The following TTLL1 variants were observed in gnomAD, a reference collection of about 807,000 sequenced individuals.
TTLL1 encodes the protein polyglutamylase complex subunit TTLL1.
A neutral mutation model predicts 47.8 loss-of-function variants in TTLL1; 33 were observed. The observed-to-expected ratio is 0.69, with a 90% CI of 0.52 to 0.92. The LOEUF (loss-of-function observed/expected upper bound fraction) is 0.92, where lower values mean the gene tolerates loss of function less well. Ranked by LOEUF, TTLL1 falls within the 40% of genes least tolerant of loss-of-function variation. The pLI, the probability that TTLL1 is intolerant of heterozygous loss-of-function variation, is 0.00. For synonymous variants in TTLL1, 225 were observed against 214.1 expected (o/e 1.05, Z -0.45); for missense variants, 488 against 547.5 (o/e 0.89, Z 1.08).
chr22:43,043,028 C>G (rs1041534930), intron 10 of TTLL1, among the ~76,000 whole-genome samples: 2 of 151,654 alleles, frequency 1.3e-5, no homozygotes, highest in African/African-American at 4.9e-5. Flanking sequence ...CAACCTCCGC[C>G]TCCTGGGTTC....
At chr22:43,054,037 C>T (rs1601666774) in intron 8 of TTLL1, among the ~76,000 whole-genome samples, 1 of 152,242 alleles carries the variant, frequency 6.6e-6, no homozygotes, top group South Asian at 2.1e-4. Context: ...ACTGTTCACA[C>T]ATACGCCGTG....
chr22:43,074,843 C>G (rs1371322683), intron 3 of TTLL1, among the ~76,000 whole-genome samples: 1 of 152,038 alleles, frequency 6.6e-6, no homozygotes, highest in East Asian at 1.9e-4. Flanking sequence ...AATTCAAGAC[C>G]AGCCTAGGCA....
chr22:43,063,806 C>G lies in TTLL1; in HGVS notation c.747+7G>C. 1 of 1,612,724 alleles carries G rather than the reference C, an allele frequency of 6.2e-7. No individual in the cohort carries two copies. The highest frequency in any genetic ancestry group is 8.5e-7 in the Non-Finnish European group (1 of 1,178,776). On this transcript the variant is annotated splice_region_variant and intron_variant, in intron 7 of 10. Transcript: ENST00000266254. The stretch of plus-strand genomic sequence containing the variant: ...TTCTGTAAGCACAAATGAAAGGACA[C>G]ACTCACCCCGTGTTTCTGGATGGCG...
intron 8 of TTLL1, 200 bp from the exon 9 acceptor site, chr22:43,052,087 T>A (rs180812381): frequency 5.1e-6 from 3 of 584,584 alleles, no homozygotes; most frequent in African/African-American, 3.7e-5. Context: ...CTCAGCCTGA[T>A]AGAGGGAATT....
intron 10 of TTLL1, among the ~76,000 whole-genome samples, chr22:43,043,923 C>G (rs541772364): frequency 2.0e-5 from 3 of 152,082 alleles, no homozygotes; most frequent in Non-Finnish European, 2.9e-5. Flanking sequence ...GATGAAACCC[C>G]CAACTCCCTG....
At chr22:43,063,959 A>G (rs1166362740) in intron 6 of TTLL1, 38 bp from the exon 7 acceptor site, 2 of 1,594,830 alleles carry the variant, frequency 1.3e-6, no homozygotes, top group Non-Finnish European at 1.7e-6. Context: ...CTCTGAGGAG[A>G]AACAAAAAGA....
At chr22:43,059,281 G>T in intron 8 of TTLL1, 103 bp downstream of exon 8, 1 of 1,479,476 alleles carries the variant, frequency 6.8e-7, no homozygotes, top group Non-Finnish European at 9.0e-7. Flanking sequence ...GGCGTGAGCC[G>T]CCGCGCACAG....
At chr22:43,088,733 A>G (rs925530989) in intron 1 of TTLL1, among the ~76,000 whole-genome samples, 9 of 152,062 alleles carry the variant, frequency 5.9e-5, no homozygotes, top group Admixed American at 1.3e-4. Flanking sequence ...CAAATGCCAA[A>G]AGGGCTAACA....
intron 5 of TTLL1, among the ~76,000 whole-genome samples, chr22:43,066,533 G>A (rs11090138): frequency 0.094 from 14,213 of 151,680 alleles, 896 homozygotes; most frequent in African/African-American, 0.17. Context: ...AGATCAACCT[G>A]GGCAACATGA....
chr22:43,071,123 C>T (rs1008148064), intron 3 of TTLL1, among the ~76,000 whole-genome samples: 2 of 151,930 alleles, frequency 1.3e-5, no homozygotes, highest in Admixed American at 1.3e-4. Context: ...TGCCATGTTG[C>T]CCAGGCTGGT....
chr22:43,088,384 T>G (rs1307614761), intron 1 of TTLL1, among the ~76,000 whole-genome samples: 1 of 127,046 alleles, frequency 7.9e-6, no homozygotes, highest in Non-Finnish European at 1.6e-5. Context: ...TCGCCCAGGC[T>G]GGAGTGCAGT....
At chr22:43,085,871 G>A (rs1012187103) in intron 1 of TTLL1, among the ~76,000 whole-genome samples, 6 of 152,200 alleles carry the variant, frequency 3.9e-5, no homozygotes, top group South Asian at 2.1e-4. Flanking sequence ...AACCTCCTGC[G>A]GGGCAGCAGA....
chr22:43,044,433 G>A (rs1290074558), intron 10 of TTLL1, among the ~76,000 whole-genome samples: 1 of 152,168 alleles, frequency 6.6e-6, no homozygotes, highest in Non-Finnish European at 1.5e-5. Flanking sequence ...AGGCAGCTAA[G>A]CATGGGCTTC....
chr22:43,039,961 G>A, intron 10 of TTLL1, 56 bp from the exon 11 acceptor site: 2 of 1,581,872 alleles, frequency 1.3e-6, no homozygotes, highest in Non-Finnish European at 1.7e-6. Flanking sequence ...GCAACAGGCA[G>A]GGCCACCAGG....
chr22:43,085,412 CAACTT>C (rs1929167480), intron 1 of TTLL1, among the ~76,000 whole-genome samples: 2 of 152,214 alleles, frequency 1.3e-5, no homozygotes, highest in South Asian at 2.1e-4. Context: ...ATCCCAATCT[CAACTT>C]GACTTGTAAT....
intron 1 of TTLL1, among the ~76,000 whole-genome samples, chr22:43,083,898 T>C (rs1929059388): frequency 6.6e-6 from 1 of 152,150 alleles, no homozygotes. Context: ...AGGATATGTG[T>C]CAGCTACAAG....
At chr22:43,066,461 C>T (rs1488235309) in intron 5 of TTLL1, among the ~76,000 whole-genome samples, 1 of 151,474 alleles carries the variant, frequency 6.6e-6, no homozygotes, top group African/African-American at 2.4e-5. Flanking sequence ...TGGTGGCTGA[C>T]ACCTGTAGTC....
chr22:43,070,227 A>C (rs1381610195), intron 3 of TTLL1: 1 of 1,321,636 alleles, frequency 7.6e-7, no homozygotes, highest in African/African-American at 1.5e-5. Context: ...ACCGAAATTC[A>C]GGAAGGTCAA....
rs1274778371 is a variant in TTLL1 at position 43,046,576 on chromosome 22, G to A, written c.979-3C>T. 1.2e-6 allele frequency: 2 copies of A among 1,613,182 alleles called. No individual in the cohort carries two copies. Among genetic ancestry groups the A allele is most frequent in the African/African-American group, 1.3e-5 (1 of 74,916 alleles). ...GTGAGAGACGGGGACGCATTCACCT[G>A]TGAGATGAAAGACCCATGTTCCTCA... On this transcript the variant is annotated splice_region_variant and splice_polypyrimidine_tract_variant and intron_variant, in intron 9 of 10. Transcript: ENST00000266254.
Sources: gnomAD v4.1 joint callset for allele counts (sites outside exome capture counted in the v4.1 genomes callset) on GRCh38, gnomAD v4.1.1 for gene constraint, MANE v1.5 for transcripts, NCBI Gene and HGNC (gene_info 2026-07-23, HGNC 2026-07-21) for gene names.